Variants in AP3M1 observed in about 807,000 individuals in gnomAD.
The protein encoded by AP3M1 is adaptor related protein complex 3 subunit mu 1.
Under a neutral mutation model 42.6 loss-of-function variants are expected in AP3M1, and 29 were observed. That is an observed-to-expected ratio of 0.68 (90% CI 0.51 to 0.93). The LOEUF is 0.93. AP3M1 is among the 40% of genes least tolerant of loss of function. The pLI is 0.00. For synonymous variants in AP3M1, 178 were observed against 175.3 expected, an observed-to-expected ratio of 1.02 and a Z score of -0.12; for missense variants, 416 against 510.2, an observed-to-expected ratio of 0.82 and a Z score of 1.78.
In AP3M1 at chr10:74,124,439, T is replaced by C. The variant is rs772375852; in HGVS notation, c.1097A>G (p.Lys366Arg). The change falls in exon 8 of 9, where the codon AAA becomes AGA. Residue 366 changes from lysine to arginine, a missense_variant. Coordinates refer to ENST00000355264, the MANE Select transcript of AP3M1 (RefSeq NM_012095.6). ...GTTGAGGCTCGGATTCTCTTCTGGT[T>C]TGGGGGCTCCAGACTGTAAATTTAC... ...GLVNLQSGAP[K>R]PEENPSLNIQ... The C allele has an allele frequency of 1.2e-5, 19 of 1,613,834 alleles. No individual in the cohort carries two copies. The highest frequency in any genetic ancestry group is 1.4e-5 in the Non-Finnish European group (17 of 1,179,884).
chr10:74,149,267 GTTTTTTTTTTTTTTTTTTTTT>G lies in AP3M1; in HGVS notation c.-4+1467_-4+1487del, dbSNP rs57279906. ...GAGAGCTTTCCTAAAGATACGTAAG[GTTTTTTTTTTTTTTTTTTTTT>G]TTTTTTTTTTTTTTTTTTCGAGGCA... is the stretch of plus-strand genomic sequence containing the variant. On this transcript the variant is annotated intron_variant, in intron 1 of 8. Transcript: ENST00000355264. Among the ~76,000 whole-genome samples, 16 of 60,098 alleles carry G rather than the reference GTTTTTTTTTTTTTTTTTTTTT, an allele frequency of 2.7e-4. 1 individual carries two copies. The highest frequency in any genetic ancestry group is 1.3e-3 in the Admixed American group (5 of 3,708). The allele number at this position is 60,098 out of a possible 152,430, so 39.4% of individuals were successfully genotyped here.
chr10:74,138,215 G>A lies in AP3M1; in HGVS notation c.165C>T (p.Tyr55=). 1 of 1,614,150 alleles carries A rather than the reference G, an allele frequency of 6.2e-7. No individual in the cohort carries two copies. The highest frequency in any genetic ancestry group is 2.2e-5 in the East Asian group (1 of 44,874). The part of the protein sequence containing the change: ...VPPVISTPHH[Y]LISIYRDKLF... Reference sequence around the variant, plus strand: ...GCTTATCCCGGTAGATACTGATGAGGTAGTGGTGAGGTGTTGAAATGACAG... The same window carrying A: ...GCTTATCCCGGTAGATACTGATGAGATAGTGGTGAGGTGTTGAAATGACAG... The change falls in exon 2 of 9, where the codon TAC becomes TAT. Residue 55 remains tyrosine, a synonymous_variant. Coordinates refer to ENST00000355264, the MANE Select transcript of AP3M1 (RefSeq NM_012095.6).
chr10:74,139,734 G>A lies in AP3M1; in HGVS notation c.-3-1352C>T, dbSNP rs1482325890. Among the ~76,000 whole-genome samples the A allele has an allele frequency of 4.6e-5, 7 of 151,718 alleles. No individual in the cohort carries two copies. In the South Asian group the frequency reaches 1.0e-3, roughly 23 times the overall value. On this transcript the variant is annotated intron_variant, in intron 1 of 8. Transcript: ENST00000355264. The stretch of plus-strand genomic sequence containing the variant: ...AGATCGAGACCATCCTGGCTAAGAC[G>A]GTGAAACCCCGTCCCTACTAAAATT...
chr10:74,138,521 G>T, intron 1 of AP3M1, 139 bp from the exon 2 acceptor site: 4 of 559,704 alleles, frequency 7.1e-6, no homozygotes, highest in Non-Finnish European at 8.6e-6. Flanking sequence ...CAATCAACAT[G>T]ATATACAATA....
Position 74,138,354 on chromosome 10 carries a change from T to A in AP3M1, c.26A>T (p.Asn9Ile). Reference protein sequence around the residue: MIHSLFLINCSGDIFLEKH... With the variant: MIHSLFLIICSGDIFLEKH... ...CTCTAGAAATATGTCACCGGAACAG[T>A]TTATGAGAAATAGACTGTGGATCAT... The change falls in exon 2 of 9, where the codon AAC becomes ATC. Residue 9 changes from asparagine (N) to isoleucine (I), a missense_variant. By Grantham distance (149) the Asn-to-Ile change is moderately radical. Transcript: ENST00000355264. 3.1e-6 allele frequency: 5 copies of A among 1,613,922 alleles called. No individual in the cohort carries two copies. The highest frequency in any genetic ancestry group is 4.2e-6 in the Non-Finnish European group (5 of 1,179,916).
At chr10:74,134,315 C>A in intron 3 of AP3M1, 151 bp from the exon 4 acceptor site, 1 of 781,134 alleles carries the variant, frequency 1.3e-6, no homozygotes, top group Admixed American at 3.0e-5. Context: ...ATATCCATAC[C>A]AACATGATCA....
intron 5 of AP3M1, 137 bp downstream of exon 5, chr10:74,129,770 G>C (rs886639731): frequency 3.0e-6 from 2 of 676,734 alleles, no homozygotes; most frequent in South Asian, 3.7e-5. Flanking sequence ...ACTGTCTTAG[G>C]AAACTCTGCT....
At chr10:74,142,641 T>C (rs1044269718) in intron 1 of AP3M1, among the ~76,000 whole-genome samples, 1 of 152,186 alleles carries the variant, frequency 6.6e-6, no homozygotes, top group Non-Finnish European at 1.5e-5. Flanking sequence ...TTATTAGCAA[T>C]AAACTCTGAC....
chr10:74,148,997 C>A (rs1169702846), intron 1 of AP3M1, among the ~76,000 whole-genome samples: 1 of 151,818 alleles, frequency 6.6e-6, no homozygotes. Context: ...CTCAACCTCC[C>A]GAGTAGCTGG....
chr10:74,124,659 A>G, intron 7 of AP3M1, 135 bp from the exon 8 acceptor site: 1 of 688,246 alleles, frequency 1.5e-6, no homozygotes, highest in South Asian at 2.3e-5. Context: ...TCTGGCATCT[A>G]CAGTGAGTTT....
At chr10:74,127,268 A>G (rs1840646455) in intron 6 of AP3M1, among the ~76,000 whole-genome samples, 1 of 152,146 alleles carries the variant, frequency 6.6e-6, no homozygotes, top group Non-Finnish European at 1.5e-5. Context: ...GGGGGAGCTG[A>G]GTACAGCATA....
At position 74,122,833 on chromosome 10, in the gene AP3M1, G is replaced by A. The variant is rs1840506992; in HGVS notation, c.*977C>T. On this transcript the variant is annotated 3_prime_UTR_variant, in exon 9 of 9. Transcript: ENST00000355264. ...AAGATTTAAAAAGACTGATGACTGT[G>A]AGGCAGGCACATTTTCCTCCTTTTG... 6.6e-6 allele frequency: 1 copy of A among 152,214 alleles called. No individual in the cohort carries two copies. The highest frequency in any genetic ancestry group is 2.4e-5 in the African/African-American group (1 of 41,464). 9.4% of individuals were successfully genotyped at this position (152,214 alleles called of 1,614,324 possible). A position where few individuals can be genotyped will look rare whatever the true frequency, so the allele number is the denominator to read the frequency against.
intron 3 of AP3M1, among the ~76,000 whole-genome samples, 167 bp from the exon 4 acceptor site, chr10:74,134,331 C>T (rs1840879686): frequency 6.6e-6 from 1 of 152,202 alleles, no homozygotes; most frequent in African/African-American, 2.4e-5. Flanking sequence ...GATCAAATTT[C>T]TAGAAAAGAA....
chr10:74,149,678 A>C (rs904234897), intron 1 of AP3M1, among the ~76,000 whole-genome samples: 1 of 152,062 alleles, frequency 6.6e-6, no homozygotes, highest in African/African-American at 2.4e-5. Flanking sequence ...GTCTTTCCCA[A>C]ATTAATCCTT....
chr10:74,123,767 A>AT lies in AP3M1; in HGVS notation c.*42_*43insA. The AT allele has an allele frequency of 6.9e-7, 1 of 1,447,244 alleles. No homozygotes were observed. Among genetic ancestry groups the AT allele is most frequent in the Non-Finnish European group, 9.7e-7 (1 of 1,027,912 alleles). The allele number at this position is 1,447,244 out of a possible 1,614,324, so 89.7% of individuals were successfully genotyped here. A position where few individuals can be genotyped will look rare whatever the true frequency, so the allele number is the denominator to read the frequency against. The stretch of plus-strand genomic sequence containing the variant: ...TACCTAATAGTGATACATCGTAATG[A>AT]CACTTGGAAAACAAACTGGTCCTGA... On this transcript the variant is annotated 3_prime_UTR_variant, in exon 9 of 9. Coordinates refer to ENST00000355264, the MANE Select transcript of AP3M1 (RefSeq NM_012095.6).
At chr10:74,132,563 C>T (rs1210041892) in intron 4 of AP3M1, among the ~76,000 whole-genome samples, 2 of 151,676 alleles carry the variant, frequency 1.3e-5, no homozygotes, top group Non-Finnish European at 2.9e-5. Flanking sequence ...GGCATGGTGG[C>T]GTGTGGCGTG....
intron 1 of AP3M1, 78 bp from the exon 2 acceptor site, chr10:74,138,460 A>G (rs1841015218): frequency 1.5e-6 from 2 of 1,318,634 alleles, no homozygotes; most frequent in Admixed American, 2.2e-5. Context: ...ATACACCTTG[A>G]CCAAGTGGGA....
In AP3M1 at chr10:74,123,904, T is replaced by C. The variant is rs1241318733; in HGVS notation, c.1163A>G (p.Lys388Arg). Residue 388 changes from lysine (K) to arginine (R), a missense_variant, in exon 9 of 9, where the codon AAA becomes AGA. By Grantham distance (26) the Lys-to-Arg change is conservative. Transcript: ENST00000355264. The part of the protein sequence containing the change: ...KIQQLAISGL[K>R]VNRLDMYGEK... Reference sequence around the variant, plus strand: ...CCCATACATGTCCAAACGGTTTACTTTTAAGCCTGTATCAAAAAGAATGAA... The same window carrying C: ...CCCATACATGTCCAAACGGTTTACTCTTAAGCCTGTATCAAAAAGAATGAA... The C allele has an allele frequency of 6.2e-7, 1 of 1,612,678 alleles. No homozygotes were observed. The highest frequency in any genetic ancestry group is 1.7e-5 in the Admixed American group (1 of 59,978).
At chr10:74,129,878 G>C in intron 5 of AP3M1, 29 bp downstream of exon 5, 1 of 1,453,104 alleles carries the variant, frequency 6.9e-7, no homozygotes, top group South Asian at 1.1e-5. Context: ...GGCATTCAAG[G>C]GGCTATAAAA....
Sources: gnomAD v4.1 joint callset for allele counts (sites outside exome capture counted in the v4.1 genomes callset) on GRCh38, gnomAD v4.1.1 for gene constraint, MANE v1.5 for transcripts, NCBI Gene and HGNC (gene_info 2026-07-23, HGNC 2026-07-21) for gene names.